The following CTNNA3 variants were observed in gnomAD, a reference collection of about 807,000 sequenced individuals.
CTNNA3 encodes the protein catenin alpha 3.
In CTNNA3, 76 loss-of-function variants were observed where a neutral mutation model predicts 95.7. The observed-to-expected ratio is 0.79, with a 90% CI of 0.66 to 0.96. The LOEUF is 0.96. Among genes scored for constraint, CTNNA3 ranks in the 40% least tolerant of loss-of-function variants. The pLI is 0.00. For synonymous variants in CTNNA3, 431 were observed against 374.4 expected (o/e 1.15, Z -1.74); for missense variants, 1,191 against 1,089.8 (o/e 1.09, Z -1.31).
chr10:67,647,694 A>G (rs1047902280), intron 1 of CTNNA3, among the ~76,000 whole-genome samples, 176 bp from the exon 2 acceptor site: 25 of 152,290 alleles, frequency 1.6e-4, no homozygotes, highest in African/African-American at 5.8e-4. Context: ...GATATTCCCC[A>G]ACTGTTCCCT....
chr10:65,988,651 T>A, intron 16 of CTNNA3, 41 bp downstream of exon 16: 4 of 1,498,934 alleles, frequency 2.7e-6, no homozygotes, highest in Non-Finnish European at 3.7e-6. Flanking sequence ...CAAAGAGCAA[T>A]TAGCATGAAC....
At chr10:66,101,542 C>G (rs1029127135) in intron 14 of CTNNA3, among the ~76,000 whole-genome samples, 25 of 151,980 alleles carry the variant, frequency 1.6e-4, no homozygotes, top group African/African-American at 6.0e-4. Flanking sequence ...TTATCTTTTC[C>G]CATATTATGT....
chr10:66,174,715 G>A (rs139697324), intron 13 of CTNNA3, among the ~76,000 whole-genome samples: 2 of 152,130 alleles, frequency 1.3e-5, no homozygotes, highest in East Asian at 3.9e-4. Context: ...ACTTGAGTGT[G>A]CATAGATTTT....
chr10:67,409,276 G>T (rs897258881), intron 5 of CTNNA3, among the ~76,000 whole-genome samples: 1 of 152,062 alleles, frequency 6.6e-6, no homozygotes, highest in South Asian at 2.1e-4. Context: ...CTATAAAGAC[G>T]CATGCACACG....
intron 5 of CTNNA3, among the ~76,000 whole-genome samples, chr10:67,368,571 T>C (rs781148709): frequency 6.6e-6 from 1 of 152,216 alleles, no homozygotes; most frequent in Non-Finnish European, 1.5e-5. Flanking sequence ...TGAATGTTCA[T>C]GACAGTTGTA....
intron 13 of CTNNA3, among the ~76,000 whole-genome samples, chr10:66,222,031 T>C (rs1435365485): frequency 6.6e-6 from 1 of 152,162 alleles, no homozygotes; most frequent in Admixed American, 6.5e-5. Context: ...CAATGGGTCA[T>C]TGGATCTTTA....
chr10:67,149,083 T>C (rs1860970995), intron 7 of CTNNA3, among the ~76,000 whole-genome samples: 1 of 152,152 alleles, frequency 6.6e-6, no homozygotes, highest in African/African-American at 2.4e-5. Context: ...TGACATAAAA[T>C]ATATTTTTCA....
In CTNNA3 at chr10:66,360,680, TTCCTTCCTTCCTTTTC is replaced by T. The variant is rs147124145; in HGVS notation, c.1732+18456_1732+18471del. On this transcript the variant is annotated intron_variant, in intron 12 of 17. Coordinates refer to ENST00000433211, the MANE Select transcript of CTNNA3 (RefSeq NM_013266.4). The stretch of plus-strand genomic sequence containing the variant: ...CTTTCTTCCTTCCTTCCTTCCTTCC[TTCCTTCCTTCCTTTTC>T]TTTCTTTCTTTCCTCCTTCCTTTCT... 1.6e-3 allele frequency among the ~76,000 whole-genome samples: 104 copies of T among 63,166 alleles called. 5 individuals are homozygous for T. Among genetic ancestry groups the T allele is most frequent in the Non-Finnish European group, 3.3e-3 (67 of 20,592 alleles). 41.4% of individuals were successfully genotyped at this position (63,166 alleles called of 152,430 possible).
intron 6 of CTNNA3, among the ~76,000 whole-genome samples, chr10:67,213,064 T>C (rs1319892741): frequency 6.6e-6 from 1 of 151,890 alleles, no homozygotes; most frequent in African/African-American, 2.4e-5. Flanking sequence ...TATCAAACTA[T>C]CTGAGCCTCC....
intron 1 of CTNNA3, among the ~76,000 whole-genome samples, chr10:67,689,553 G>T (rs560598295): frequency 6.6e-6 from 1 of 152,152 alleles, no homozygotes; most frequent in Admixed American, 6.5e-5. Flanking sequence ...GGACCCAGGA[G>T]GCAAGGGTCA....
At chr10:67,187,840 C>T (rs888378064) in intron 6 of CTNNA3, among the ~76,000 whole-genome samples, 4 of 152,178 alleles carry the variant, frequency 2.6e-5, no homozygotes, top group African/African-American at 9.6e-5. Context: ...CCTGCCTTGA[C>T]CTCCCACAGT....
chr10:66,999,540 C>G (rs1851559398), intron 7 of CTNNA3, among the ~76,000 whole-genome samples: 1 of 152,046 alleles, frequency 6.6e-6, no homozygotes, highest in Admixed American at 6.6e-5. Context: ...TCTCTCTTTT[C>G]TAACTATAGA....
intron 6 of CTNNA3, among the ~76,000 whole-genome samples, chr10:67,196,626 G>A (rs1374050501): frequency 6.6e-6 from 1 of 151,960 alleles, no homozygotes; most frequent in Non-Finnish European, 1.5e-5. Context: ...CTTCTCCTAG[G>A]CATATTTCTG....
chr10:67,633,069 A>C (rs1839197999), intron 2 of CTNNA3, among the ~76,000 whole-genome samples: 1 of 152,176 alleles, frequency 6.6e-6, no homozygotes, highest in South Asian at 2.1e-4. Context: ...CAAATGGTCC[A>C]GACAAAGAAG....
intron 2 of CTNNA3, among the ~76,000 whole-genome samples, chr10:67,613,743 T>C (rs1486109806): frequency 2.0e-5 from 3 of 151,652 alleles, no homozygotes; most frequent in Non-Finnish European, 4.4e-5. Context: ...GTGTTAGTTT[T>C]CTAGGGCTGC....
chr10:67,663,138 C>T (rs79332905), intron 1 of CTNNA3, among the ~76,000 whole-genome samples: 3,089 of 152,208 alleles, frequency 0.02, 27 homozygotes, highest in Middle Eastern at 0.037. Context: ...CATTCCCAGG[C>T]TTCACACCTG....
At chr10:67,312,613 T>C (rs1009765008) in intron 5 of CTNNA3, among the ~76,000 whole-genome samples, 2 of 152,206 alleles carry the variant, frequency 1.3e-5, no homozygotes. Context: ...GACATGCACA[T>C]AGCAAAGACC....
intron 12 of CTNNA3, among the ~76,000 whole-genome samples, chr10:66,332,169 T>C (rs1353808606): frequency 1.3e-5 from 2 of 152,010 alleles, no homozygotes; most frequent in Non-Finnish European, 2.9e-5. Context: ...GTTTTCTAGA[T>C]ATACAATCAT....
In CTNNA3 at chr10:65,917,790, C is replaced by T. The variant is rs1262665329; in HGVS notation, c.*2540G>A. ...AAGAAATACCTAAATATAAATGTGTCATGCTGATTAGTTTTTAACATAATG... is the reference window on the plus strand; with the variant it reads ...AAGAAATACCTAAATATAAATGTGTTATGCTGATTAGTTTTTAACATAATG... On this transcript the variant is annotated 3_prime_UTR_variant, in exon 18 of 18. Coordinates refer to ENST00000433211, the MANE Select transcript of CTNNA3 (RefSeq NM_013266.4). 1 of 105,082 alleles carries T rather than the reference C, an allele frequency of 9.5e-6. No homozygotes were observed. The highest frequency in any genetic ancestry group is 3.2e-5 in the African/African-American group (1 of 31,576). The allele number at this position is 105,082 out of a possible 1,614,324, so 6.5% of individuals were successfully genotyped here.
Sources: gnomAD v4.1 joint callset for allele counts (sites outside exome capture counted in the v4.1 genomes callset) on GRCh38, gnomAD v4.1.1 for gene constraint, MANE v1.5 for transcripts, NCBI Gene and HGNC (gene_info 2026-07-23, HGNC 2026-07-21) for gene names.